The following DPYSL5 variants were observed in gnomAD, a reference collection of about 807,000 sequenced individuals.
DPYSL5 encodes dihydropyrimidinase-related protein 5.
Under a neutral mutation model 58.4 loss-of-function variants are expected in DPYSL5, and 9 were observed. That is an observed-to-expected ratio of 0.15 (90% confidence interval 0.09 to 0.27). The LOEUF (loss-of-function observed/expected upper bound fraction) is 0.27, where lower values mean the gene tolerates loss of function less well. Ranked by LOEUF, DPYSL5 falls within the 10% of genes least tolerant of loss-of-function variation. DPYSL5 has a pLI of 1.00. For missense variants in DPYSL5, 499 were observed against 770.6 expected, an observed-to-expected ratio of 0.65 and a Z score of 4.17; for synonymous variants, 293 against 301.9, an observed-to-expected ratio of 0.97 and a Z score of 0.31.
At chr2:26,879,479 AAAG>A (rs1358918542) in intron 1 of DPYSL5, among the ~76,000 whole-genome samples, 18 of 151,722 alleles carry the variant, frequency 1.2e-4, no homozygotes, top group African/African-American at 4.4e-4. Flanking sequence ...AAAAAAAAAA[AAAG>A]CCCATTAGCA....
Position 26,944,935 on chromosome 2 carries a change from C to T in DPYSL5, c.1609+111C>T. The T allele has an allele frequency of 9.1e-7, 1 of 1,095,182 alleles. No individual in the cohort carries two copies. The highest frequency in any genetic ancestry group is 1.3e-6 in the Non-Finnish European group (1 of 764,536). The allele number at this position is 1,095,182 out of a possible 1,614,324, so 67.8% of individuals were successfully genotyped here. ...TTGTGTCCTCTCCTCCCTCCCGTTG[C>T]CTATTTCCAGGGATGAGTGCTGGTT... is the stretch of plus-strand genomic sequence containing the variant. On this transcript the variant is annotated intron_variant, in intron 12 of 12. Transcript: ENST00000288699. This position sits in a 1 kb window ranked among gnomAD's most constrained non-coding sequence, Gnocchi z 4.4.
chr2:26,944,872 G>T lies in DPYSL5; in HGVS notation c.1609+48G>T, dbSNP rs1665427545. On this transcript the variant is annotated intron_variant, in intron 12 of 12. Transcript: ENST00000288699. The surrounding 1 kb of genome is among the most constrained non-coding windows in gnomAD (Gnocchi z 4.4). The stretch of plus-strand genomic sequence containing the variant: ...AGGAGGATGGGGGTCTGGGAGAAGT[G>T]GCCCACCTAGGCAGTGGGACTTACG... 4 of 1,576,656 alleles carry T rather than the reference G, an allele frequency of 2.5e-6. No individual in the cohort carries two copies. The highest frequency in any genetic ancestry group is 3.5e-6 in the Non-Finnish European group (4 of 1,154,740).
intron 1 of DPYSL5, among the ~76,000 whole-genome samples, chr2:26,878,409 T>C (rs1291172593): frequency 5.9e-5 from 9 of 152,194 alleles, no homozygotes; most frequent in Non-Finnish European, 1.2e-4. Context: ...GGTTATATGA[T>C]ACACACCTGT....
At chr2:26,928,704 T>TATATATATATATATACACACACACAC in intron 5 of DPYSL5, among the ~76,000 whole-genome samples, 1 of 62,982 alleles carries the variant, frequency 1.6e-5, no homozygotes, top group Non-Finnish European at 3.3e-5. Context: ...TATATATATA[T>TATATATATATATATACACACACACAC]ACACACACAC....
intron 9 of DPYSL5, among the ~76,000 whole-genome samples, chr2:26,941,280 G>C (rs1282929084): frequency 6.6e-6 from 1 of 152,138 alleles, no homozygotes; most frequent in Non-Finnish European, 1.5e-5. Context: ...CAGCATCCTA[G>C]AAGTGGATTT....
At chr2:26,870,728 TTAAAA>T (rs1251662253) in intron 1 of DPYSL5, among the ~76,000 whole-genome samples, 2 of 146,380 alleles carry the variant, frequency 1.4e-5, no homozygotes, top group African/African-American at 2.6e-5. Context: ...AAAAAAAAAA[TTAAAA>T]TGAGTTCAGG....
chr2:26,928,687 G>GTGTATATATATATA (rs143828804), intron 5 of DPYSL5, among the ~76,000 whole-genome samples: 2,259 of 59,782 alleles, frequency 0.038, 494 homozygotes, highest in South Asian at 0.08. Context: ...AGGTGATAGA[G>GTGTATATATATATA]TATATATATA....
chr2:26,905,120 A>G lies in DPYSL5; in HGVS notation c.261+6360A>G, dbSNP rs1307876517. 2.0e-5 allele frequency among the ~76,000 whole-genome samples: 3 copies of G among 152,176 alleles called. No individual in the cohort carries two copies. Among genetic ancestry groups the G allele is most frequent in the Middle Eastern group, 3.2e-3 (1 of 316 alleles). ...CTGTGGCCCCAAATTTTGCTGGACC[A>G]GATGAGGGTGTCTCAGAATGGATTT... On this transcript the variant is annotated intron_variant, in intron 2 of 12. Coordinates refer to ENST00000288699, the MANE Select transcript of DPYSL5 (RefSeq NM_020134.4). This position sits in a 1 kb window ranked among gnomAD's most constrained non-coding sequence, Gnocchi z 4.0.
intron 1 of DPYSL5, among the ~76,000 whole-genome samples, chr2:26,892,447 C>A (rs2148132651): frequency 6.6e-6 from 1 of 152,278 alleles, no homozygotes; most frequent in Non-Finnish European, 1.5e-5. Context: ...GTAAGCAAAC[C>A]CATCTTGTCA....
intron 1 of DPYSL5, among the ~76,000 whole-genome samples, chr2:26,860,877 A>G (rs890000483): frequency 1.3e-5 from 2 of 152,198 alleles, no homozygotes; most frequent in African/African-American, 4.8e-5. Context: ...AAACACAACA[A>G]AACCTATGAT....
intron 1 of DPYSL5, among the ~76,000 whole-genome samples, chr2:26,859,791 A>T (rs1665965846): frequency 6.6e-6 from 1 of 152,208 alleles, no homozygotes; most frequent in African/African-American, 2.4e-5. Context: ...GAGTGCAAAT[A>T]GCCAGAAATG....
chr2:26,902,649 C>T (rs1274937579), intron 2 of DPYSL5, among the ~76,000 whole-genome samples: 3 of 152,096 alleles, frequency 2.0e-5, no homozygotes, highest in Admixed American at 6.6e-5. Context: ...CAGAGCAGCT[C>T]CATCTTAAAT....
intron 9 of DPYSL5, among the ~76,000 whole-genome samples, chr2:26,940,382 A>C (rs1665285196): frequency 6.6e-6 from 1 of 152,184 alleles, no homozygotes; most frequent in African/African-American, 2.4e-5. Context: ...CTATTATGGA[A>C]ATTTGGAAAA....
chr2:26,876,478 A>G (rs183715221), intron 1 of DPYSL5, among the ~76,000 whole-genome samples: 25 of 152,250 alleles, frequency 1.6e-4, no homozygotes, highest in African/African-American at 6.0e-4. Context: ...GAGAGATCCA[A>G]TTGGCTGTAG....
intron 2 of DPYSL5, among the ~76,000 whole-genome samples, chr2:26,901,791 T>A (rs553199573): frequency 3.7e-5 from 1 of 26,828 alleles, no homozygotes; most frequent in East Asian, 8.9e-4. Flanking sequence ...CCACCCCAGC[T>A]AGCGTCTGCT....
chr2:26,858,333 G>A (rs879771487), intron 1 of DPYSL5, among the ~76,000 whole-genome samples: 4 of 151,768 alleles, frequency 2.6e-5, no homozygotes, highest in Admixed American at 1.3e-4. Flanking sequence ...CACCAAGCCC[G>A]GCTAATTTTT....
Position 26,944,597 on chromosome 2 carries a change from T to C in DPYSL5, c.1441-59T>C. On this transcript the variant is annotated intron_variant, in intron 11 of 12. Transcript: ENST00000288699. This position sits in a 1 kb window ranked among gnomAD's most constrained non-coding sequence, Gnocchi z 4.4. ...CCGGCCCCCAGGGAGGCCATGGTTG[T>C]ATCACTCAGCTCTGATGGTGTTGTC... 6.4e-7 allele frequency: 1 copy of C among 1,572,678 alleles called. No individual in the cohort carries two copies. The highest frequency in any genetic ancestry group is 8.7e-7 in the Non-Finnish European group (1 of 1,155,284).
At chr2:26,860,091 T>C (rs1398474137) in intron 1 of DPYSL5, among the ~76,000 whole-genome samples, 1 of 152,206 alleles carries the variant, frequency 6.6e-6, no homozygotes, top group East Asian at 1.9e-4. Context: ...GGGATGCTAA[T>C]ATCGTCCTCA....
At chr2:26,907,107 T>TATTA (rs1664314801) in intron 2 of DPYSL5, among the ~76,000 whole-genome samples, 1 of 151,040 alleles carries the variant, frequency 6.6e-6, no homozygotes, top group Non-Finnish European at 1.5e-5. Context: ...CATTTTTATT[T>TATTA]ATTTATTTAT....
Sources: gnomAD v4.1 joint callset for allele counts (sites outside exome capture counted in the v4.1 genomes callset) on GRCh38, gnomAD v4.1.1 for gene constraint, Gnocchi (gnomAD v3.1) non-coding constraint, MANE v1.5 for transcripts, NCBI Gene and HGNC (gene_info 2026-07-23, HGNC 2026-07-21) for gene names.